CCDC149: variants seen among roughly 807,000 people sequenced by gnomAD.
CCDC149 encodes coiled-coil domain containing 149.
CCDC149 carries 45 observed loss-of-function variants against 59.9 expected under a neutral mutation model. The ratio of observed to expected loss-of-function variants is 0.75; its 90% CI spans 0.59 to 0.96. CCDC149 has a LOEUF of 0.96. CCDC149 is among the 40% of genes least tolerant of loss of function. The probability of loss-of-function intolerance (pLI) is 0.00; values close to 1 mark genes in which losing one functional copy is unlikely to be tolerated. For synonymous variants in CCDC149, 245 were observed against 260.6 expected (o/e 0.94, Z 0.58); for missense variants, 584 against 664.7 (o/e 0.88, Z 1.33).
chr4:24,973,074 A>C (rs923428509), intron 1 of CCDC149, among the ~76,000 whole-genome samples: 1 of 152,192 alleles, frequency 6.6e-6, no homozygotes, highest in Non-Finnish European at 1.5e-5. Context: ...TTTAGATAAT[A>C]ACTTAATTCT....
At chr4:24,892,464 T>C (rs1720585562) in intron 1 of CCDC149, among the ~76,000 whole-genome samples, 2 of 152,202 alleles carry the variant, frequency 1.3e-5, no homozygotes, top group African/African-American at 4.8e-5. Context: ...TCAGCACTGG[T>C]TGCTGTCCAC....
intron 1 of CCDC149, among the ~76,000 whole-genome samples, chr4:24,951,376 AT>A (rs1723287136): frequency 6.6e-6 from 1 of 152,212 alleles, no homozygotes; most frequent in East Asian, 1.9e-4. Flanking sequence ...TAAACAGCAA[AT>A]ATGCCATAGT....
chr4:24,955,321 T>C (rs1723434728), intron 1 of CCDC149, among the ~76,000 whole-genome samples: 1 of 152,172 alleles, frequency 6.6e-6, no homozygotes, highest in South Asian at 2.1e-4. Flanking sequence ...GCCTCTTTCA[T>C]AGAGCCTTAG....
intron 1 of CCDC149, among the ~76,000 whole-genome samples, chr4:24,945,419 C>A (rs968442947): frequency 6.6e-6 from 1 of 152,026 alleles, no homozygotes; most frequent in South Asian, 2.1e-4. Flanking sequence ...TGGAGCGATG[C>A]ATCTCTAAGC....
At chr4:24,973,529 AGCAT>A (rs1724046137) in intron 1 of CCDC149, among the ~76,000 whole-genome samples, 1 of 152,244 alleles carries the variant, frequency 6.6e-6, no homozygotes. Context: ...GCTGTGATTA[AGCAT>A]GCCTGAGGCT....
rs1339352493 is a variant in CCDC149 at position 24,813,503 on chromosome 4, T to TATATATATATAC, written c.1193-4685_1193-4684insGTATATATATAT. 1.3e-3 allele frequency among the ~76,000 whole-genome samples: 170 copies of TATATATATATAC among 135,662 alleles called. 2 individuals are homozygous for TATATATATATAC. Among genetic ancestry groups the TATATATATATAC allele is most frequent in the African/African-American group, 4.7e-3 (164 of 34,614 alleles). 89.0% of individuals were successfully genotyped at this position (135,662 alleles called of 152,430 possible). A position where few individuals can be genotyped will look rare whatever the true frequency, so the allele number is the denominator to read the frequency against. ...TCAGCTTGGGGAATATATATATATA[T>TATATATATATAC]ATATATATATATATATATATATATA... On this transcript the variant is annotated intron_variant, in intron 12 of 12. Transcript: ENST00000635206.
chr4:24,895,018 CGAT>C (rs534072693), intron 1 of CCDC149: 72 of 1,524,246 alleles, frequency 4.7e-5, no homozygotes, highest in Non-Finnish European at 5.5e-5. Context: ...GCCGCTCTGG[CGAT>C]GATGATGATG....
chr4:24,905,005 G>A (rs1479741409), intron 1 of CCDC149, among the ~76,000 whole-genome samples: 2 of 152,086 alleles, frequency 1.3e-5, no homozygotes, highest in Non-Finnish European at 2.9e-5. Flanking sequence ...AGGTTCAAGC[G>A]ATTCTCCTGC....
At chr4:24,925,552 TA>T (rs1441840456) in intron 1 of CCDC149, among the ~76,000 whole-genome samples, 1 of 152,202 alleles carries the variant, frequency 6.6e-6, no homozygotes, top group African/African-American at 2.4e-5. Flanking sequence ...TAATCAACTT[TA>T]TAGACAAAAA....
intron 1 of CCDC149, among the ~76,000 whole-genome samples, chr4:24,939,939 G>T (rs545550378): frequency 6.6e-6 from 1 of 152,204 alleles, no homozygotes; most frequent in African/African-American, 2.4e-5. Flanking sequence ...TGAAAGTGAC[G>T]GGGAGAATGG....
At chr4:24,979,321 C>T (rs1724361695) in intron 1 of CCDC149, among the ~76,000 whole-genome samples, 1 of 152,096 alleles carries the variant, frequency 6.6e-6, no homozygotes, top group Non-Finnish European at 1.5e-5. Context: ...AAGATGCAGG[C>T]AATCTTTGAA....
downstream of CCDC149, among the ~76,000 whole-genome samples, chr4:24,803,695 A>G (rs1713988234): frequency 6.6e-6 from 1 of 152,264 alleles, no homozygotes; most frequent in Admixed American, 6.5e-5. This position sits in a 1 kb window ranked among gnomAD's most constrained non-coding sequence, Gnocchi z 4.3. Context: ...TAGATTTAAT[A>G]GGCTACCACT....
At chr4:24,943,734 C>T (rs1352984897) in intron 1 of CCDC149, among the ~76,000 whole-genome samples, 1 of 152,060 alleles carries the variant, frequency 6.6e-6, no homozygotes, top group Admixed American at 6.6e-5. Context: ...AAAACAACCC[C>T]ATCAAAAAGT....
intron 1 of CCDC149, among the ~76,000 whole-genome samples, chr4:24,891,867 C>T (rs898222138): frequency 5.9e-5 from 9 of 151,960 alleles, no homozygotes; most frequent in Admixed American, 2.0e-4. Flanking sequence ...GGTGTGGTGG[C>T]GTACATCTGT....
intron 1 of CCDC149, among the ~76,000 whole-genome samples, chr4:24,960,133 A>T (rs1356470546): frequency 2.0e-5 from 3 of 152,214 alleles, no homozygotes; most frequent in Non-Finnish European, 4.4e-5. Flanking sequence ...GAAGGGAAGT[A>T]TACTACTGTG....
intron 12 of CCDC149, among the ~76,000 whole-genome samples, chr4:24,810,858 A>G (rs1714554746): frequency 6.6e-6 from 1 of 152,248 alleles, no homozygotes; most frequent in South Asian, 2.1e-4. Context: ...AGAAGGATGC[A>G]GGGAAACAGG....
chr4:24,962,722 G>A (rs1261754754), intron 1 of CCDC149, among the ~76,000 whole-genome samples: 3 of 151,798 alleles, frequency 2.0e-5, no homozygotes, highest in Non-Finnish European at 4.4e-5. Flanking sequence ...ATCACACACC[G>A]GGGCCTGTTG....
At chr4:24,896,537 A>G (rs1720857106) in intron 1 of CCDC149, among the ~76,000 whole-genome samples, 1 of 152,202 alleles carries the variant, frequency 6.6e-6, no homozygotes, top group Non-Finnish European at 1.5e-5. Flanking sequence ...CAGACACGCT[A>G]TAATACAGGT....
chr4:24,882,801 T>C (rs940236329), intron 1 of CCDC149, among the ~76,000 whole-genome samples: 5 of 152,184 alleles, frequency 3.3e-5, no homozygotes, highest in African/African-American at 1.2e-4. Flanking sequence ...CTCCAAGGAC[T>C]TTAGATATGG....
Sources: gnomAD v4.1 joint callset for allele counts (sites outside exome capture counted in the v4.1 genomes callset) on GRCh38, gnomAD v4.1.1 for gene constraint, Gnocchi (gnomAD v3.1) non-coding constraint, MANE v1.5 for transcripts, NCBI Gene and HGNC (gene_info 2026-07-23, HGNC 2026-07-21) for gene names.